Variants in CHODL observed in about 807,000 individuals in gnomAD.
CHODL encodes transmembrane protein MT75.
Under a neutral mutation model 34.5 loss-of-function variants are expected in CHODL, and 29 were observed. The observed-to-expected ratio is 0.84, with a 90% CI of 0.63 to 1.15. The LOEUF (loss-of-function observed/expected upper bound fraction) is 1.15. Ranked by LOEUF, CHODL falls within the 50% of genes most tolerant of loss-of-function variation. The pLI is 0.00. For synonymous variants in CHODL, 125 were observed against 116.1 expected (o/e 1.08, Z -0.49); for missense variants, 332 against 332.5 (o/e 1.00, Z 0.01).
chr21:18,201,347 T>A (rs1340148093), intron 2 of CHODL, among the ~76,000 whole-genome samples: 1 of 152,174 alleles, frequency 6.6e-6, no homozygotes, highest in Admixed American at 6.5e-5. Flanking sequence ...AATAAACTCT[T>A]ATATGGTACA....
intron 1 of CHODL, among the ~76,000 whole-genome samples, chr21:18,251,077 T>G (rs2074230652): frequency 6.6e-6 from 1 of 151,586 alleles, no homozygotes; most frequent in Non-Finnish European, 1.5e-5. Flanking sequence ...AACCAAATTA[T>G]AGATCCTTTC....
chr21:18,013,466 C>T (rs1329718059), intron 1 of CHODL, among the ~76,000 whole-genome samples: 2 of 151,842 alleles, frequency 1.3e-5, no homozygotes, highest in Non-Finnish European at 2.9e-5. Flanking sequence ...GTCCTTCCAT[C>T]TTAGGTTCTT....
At chr21:18,151,065 A>G in intron 2 of CHODL, among the ~76,000 whole-genome samples, 1 of 137,554 alleles carries the variant, frequency 7.3e-6, no homozygotes. Context: ...ACTGGGCGAC[A>G]GAGCGAGACT....
chr21:17,937,500 G>T (rs142259872), intron 1 of CHODL, among the ~76,000 whole-genome samples: 24 of 152,314 alleles, frequency 1.6e-4, no homozygotes, highest in Non-Finnish European at 2.5e-4. Flanking sequence ...GATTCTTACA[G>T]ATTAGGTTAT....
chr21:17,934,686 A>T (rs565194708), intron 1 of CHODL, among the ~76,000 whole-genome samples: 1 of 152,260 alleles, frequency 6.6e-6, no homozygotes, highest in African/African-American at 2.4e-5. Context: ...TTCCTTTTAT[A>T]ATGTTAAATG....
chr21:18,007,017 C>T (rs948068547), intron 1 of CHODL, among the ~76,000 whole-genome samples: 8 of 152,006 alleles, frequency 5.3e-5, no homozygotes, highest in Non-Finnish European at 1.2e-4. Flanking sequence ...CATCATTAAA[C>T]GTAAGTATAT....
At chr21:18,263,203 T>C (rs1174812968) in intron 5 of CHODL, among the ~76,000 whole-genome samples, 1 of 152,154 alleles carries the variant, frequency 6.6e-6, no homozygotes, top group East Asian at 1.9e-4. Flanking sequence ...TGGATGTTTG[T>C]AAACTTCCAA....
rs146380167 is a variant in CHODL, at chr21:17,999,096, T to C, written c.-144-28776T>C. 1.8e-3 allele frequency among the ~76,000 whole-genome samples: 273 copies of C among 152,332 alleles called. 2 individuals carry two copies. The highest frequency in any genetic ancestry group is 6.4e-3 in the African/African-American group (268 of 41,564). On this transcript the variant is annotated intron_variant, in intron 1 of 6. Transcript: ENST00000400127. ...GAATGTTTTGCTGCTTAGAAATTTA[T>C]TCTGCTAGATAGCCTAAATCATCTC...
chr21:18,018,253 T>C (rs2064094016), intron 1 of CHODL, among the ~76,000 whole-genome samples: 1 of 152,230 alleles, frequency 6.6e-6, no homozygotes, highest in African/African-American at 2.4e-5. Context: ...GGTATGATTA[T>C]ATTTTGCAGT....
Position 18,266,545 on chromosome 21 carries a change from G to A in CHODL, c.*507G>A, listed in dbSNP as rs1054274101. The A allele has an allele frequency of 3.1e-5, 5 of 159,518 alleles. No individual in the cohort carries two copies. The highest frequency in any genetic ancestry group is 4.1e-5 in the Non-Finnish European group (3 of 73,044). 9.9% of individuals were successfully genotyped at this position (159,518 alleles called of 1,614,324 possible). On this transcript the variant is annotated 3_prime_UTR_variant, in exon 6 of 6. Transcript: ENST00000299295. ...TTGATTAAAGAAACTTATTACTGTT[G>A]TCAACTGAATTCACACACACACAAA...
At chr21:18,074,871 A>G (rs1318758034) in intron 2 of CHODL, among the ~76,000 whole-genome samples, 1 of 152,144 alleles carries the variant, frequency 6.6e-6, no homozygotes, top group East Asian at 1.9e-4. Flanking sequence ...GCCCGTAGAA[A>G]GAATGGGGAG....
intron 2 of CHODL, among the ~76,000 whole-genome samples, chr21:18,122,213 C>T (rs571291532): frequency 1.5e-4 from 22 of 145,350 alleles, no homozygotes; most frequent in Middle Eastern, 3.5e-3. Flanking sequence ...ATTTATTAAA[C>T]AACTCTGATC....
chr21:18,255,355 C>T (rs982265181), intron 1 of CHODL, among the ~76,000 whole-genome samples: 3 of 151,964 alleles, frequency 2.0e-5, no homozygotes, highest in African/African-American at 7.2e-5. Context: ...AAATGTAATA[C>T]TATTACTTTC....
intron 2 of CHODL, among the ~76,000 whole-genome samples, chr21:18,135,078 A>G (rs2072704173): frequency 6.6e-6 from 1 of 152,236 alleles, no homozygotes; most frequent in Non-Finnish European, 1.5e-5. Context: ...TTTGCATTAT[A>G]AGAAAAACTA....
intron 2 of CHODL, among the ~76,000 whole-genome samples, chr21:18,126,332 A>G (rs2065543694): frequency 6.6e-6 from 1 of 152,262 alleles, no homozygotes; most frequent in Non-Finnish European, 1.5e-5. Flanking sequence ...ACATTTTTTA[A>G]GAAACAATGC....
At chr21:18,154,666 A>C (rs2073011579) in intron 2 of CHODL, among the ~76,000 whole-genome samples, 1 of 152,224 alleles carries the variant, frequency 6.6e-6, no homozygotes, top group Non-Finnish European at 1.5e-5. Flanking sequence ...TACTCAGATT[A>C]ACATTTGATT....
At chr21:18,094,348 C>T (rs1246822947) in intron 2 of CHODL, among the ~76,000 whole-genome samples, 1 of 152,120 alleles carries the variant, frequency 6.6e-6, no homozygotes. Flanking sequence ...TTAATCTGCA[C>T]TATAGAACAA....
At chr21:18,110,584 CTGATGTCTGCCAGG>C (rs1413294651) in intron 2 of CHODL, among the ~76,000 whole-genome samples, 38 of 62,654 alleles carry the variant, frequency 6.1e-4, no homozygotes, top group African/African-American at 1.5e-3. Context: ...ACACCTACAG[CTGATGTCTGCCAGG>C]CACCATCACA....
intron 2 of CHODL, among the ~76,000 whole-genome samples, chr21:18,198,756 G>T (rs1239658886): frequency 6.6e-6 from 1 of 152,088 alleles, no homozygotes; most frequent in Non-Finnish European, 1.5e-5. Context: ...GGAAAACTTC[G>T]AATAAAGGAA....
Sources: gnomAD v4.1 joint callset for allele counts (sites outside exome capture counted in the v4.1 genomes callset) on GRCh38, gnomAD v4.1.1 for gene constraint, MANE v1.5 for transcripts, NCBI Gene and HGNC (gene_info 2026-07-23, HGNC 2026-07-21) for gene names.